The following SLC4A7 variants were observed in gnomAD, a reference collection of about 807,000 sequenced individuals.
The protein encoded by SLC4A7 is sodium bicarbonate cotransporter 3.
Under a neutral mutation model 137.6 loss-of-function variants are expected in SLC4A7, and 51 were observed. That is an observed-to-expected ratio of 0.37 (90% CI 0.30 to 0.47). The LOEUF is 0.47. SLC4A7 is among the 20% of genes least tolerant of loss of function. The pLI, the probability that SLC4A7 is intolerant of heterozygous loss-of-function variation, is 1.00. For synonymous variants in SLC4A7, 542 were observed against 518.6 expected, an observed-to-expected ratio of 1.05 and a Z score of -0.61; for missense variants, 1,247 against 1,525.4, an observed-to-expected ratio of 0.82 and a Z score of 3.04.
chr3:27,451,164 T>TA (rs944087682), intron 2 of SLC4A7, among the ~76,000 whole-genome samples: 3 of 151,738 alleles, frequency 2.0e-5, no homozygotes, highest in Non-Finnish European at 4.4e-5. Flanking sequence ...GTTTAGAGTT[T>TA]AAAAAAAAGT....
chr3:27,374,510 G>A lies in SLC4A7; in HGVS notation c.*2254C>T, dbSNP rs944674705. 6.6e-6 allele frequency: 1 copy of A among 152,404 alleles called. No individual in the cohort carries two copies. Among genetic ancestry groups the A allele is most frequent in the African/African-American group, 2.4e-5 (1 of 41,420 alleles). The allele number at this position is 152,404 out of a possible 1,614,324, so 9.4% of individuals were successfully genotyped here. On this transcript the variant is annotated 3_prime_UTR_variant, in exon 26 of 26. Coordinates refer to ENST00000454389, the MANE Select transcript of SLC4A7 (RefSeq NM_001321103.2). The stretch of plus-strand genomic sequence containing the variant: ...GAAGAAATATAATCACTTAAAACAA[G>A]CAGTTAATTACCTAAACATGAGTTA...
intron 3 of SLC4A7, among the ~76,000 whole-genome samples, 178 bp from the exon 4 acceptor site, chr3:27,437,704 G>GAAAAAAAAAAAAAAAAAAAAAAAAAAAAA (rs1164904868): frequency 8.0e-6 from 1 of 124,988 alleles, no homozygotes; most frequent in Non-Finnish European, 1.7e-5. Flanking sequence ...AACAATCCAG[G>GAAAAAAAAAAAAAAAAAAAAAAAAAAAAA]AAAAAAAAAA....
At position 27,424,095 on chromosome 3, in the gene SLC4A7, T is replaced by C. The variant is rs560666731; in HGVS notation, c.1208A>G (p.Glu403Gly). The change falls in exon 8 of 26, where the codon GAA (glutamate) becomes GGA (glycine). Residue 403 changes from glutamate (E) to glycine (G), a missense_variant. Around this residue, in one of 6 missense-constraint regions of SLC4A7, gnomAD observed 499 missense variants for 664.2 expected, o/e 0.75. Transcript: ENST00000454389. ...PGNLDNSKSGEIKGNGSGGSR... is the reference protein window; with the variant it reads ...PGNLDNSKSGGIKGNGSGGSR... Reference sequence around the variant, plus strand: ...TCCACCACTTCCATTACCTTTAATTTCTCCACTTTTACTATTGTCCAAGTT... The same window carrying C: ...TCCACCACTTCCATTACCTTTAATTCCTCCACTTTTACTATTGTCCAAGTT... 6.2e-7 allele frequency: 1 copy of C among 1,612,504 alleles called. No individual in the cohort carries two copies. The highest frequency in any genetic ancestry group is 1.1e-5 in the South Asian group (1 of 90,918).
intron 24 of SLC4A7, among the ~76,000 whole-genome samples, chr3:27,381,283 A>T (rs1287932044): frequency 6.6e-6 from 1 of 152,186 alleles, no homozygotes; most frequent in Non-Finnish European, 1.5e-5. Context: ...AATTACACTG[A>T]AAAAGTGATA....
chr3:27,404,288 A>G (rs969103110), intron 14 of SLC4A7, among the ~76,000 whole-genome samples: 1 of 152,152 alleles, frequency 6.6e-6, no homozygotes, highest in Non-Finnish European at 1.5e-5. Flanking sequence ...AATCACTTGA[A>G]CCTGGGAGGC....
At chr3:27,420,937 G>T in intron 9 of SLC4A7, 150 bp from the exon 10 acceptor site, 1 of 522,410 alleles carries the variant, frequency 1.9e-6, no homozygotes, top group Non-Finnish European at 3.3e-6. Flanking sequence ...GAAAAAAGAT[G>T]GCAACTCCAC....
intron 1 of SLC4A7, among the ~76,000 whole-genome samples, chr3:27,470,539 A>G (rs2059195558): frequency 3.3e-5 from 5 of 151,824 alleles, no homozygotes; most frequent in Admixed American, 3.3e-4. Context: ...ATTATTTCTA[A>G]AAGAATGAAA....
chr3:27,477,474 C>A (rs1003507599), intron 1 of SLC4A7, among the ~76,000 whole-genome samples: 1 of 152,226 alleles, frequency 6.6e-6, no homozygotes, highest in African/African-American at 2.4e-5. Context: ...TGATACCAAA[C>A]CACTGCTCGT....
intron 3 of SLC4A7, among the ~76,000 whole-genome samples, chr3:27,444,185 G>T (rs2150475742): frequency 6.6e-6 from 1 of 152,192 alleles, no homozygotes; most frequent in African/African-American, 2.4e-5. Flanking sequence ...CTTAATTGTG[G>T]ACTGATCTAT....
chr3:27,434,321 G>T (rs1227178060), intron 5 of SLC4A7, among the ~76,000 whole-genome samples: 1 of 152,106 alleles, frequency 6.6e-6, no homozygotes, highest in Non-Finnish European at 1.5e-5. Flanking sequence ...TATTTATAAA[G>T]AGGCTACTAT....
At chr3:27,417,527 G>C (rs2054510602) in intron 11 of SLC4A7, among the ~76,000 whole-genome samples, 1 of 152,212 alleles carries the variant, frequency 6.6e-6, no homozygotes, top group African/African-American at 2.4e-5. Flanking sequence ...GCTGAAGCAA[G>C]AGGATCACTA....
chr3:27,397,176 C>T (rs964721688), intron 18 of SLC4A7, among the ~76,000 whole-genome samples: 1 of 152,092 alleles, frequency 6.6e-6, no homozygotes, highest in South Asian at 2.1e-4. Flanking sequence ...TACAGGCGCC[C>T]GCCACCACGC....
intron 7 of SLC4A7, among the ~76,000 whole-genome samples, chr3:27,425,145 T>C (rs1354656437): frequency 1.3e-5 from 2 of 150,400 alleles, no homozygotes; most frequent in Non-Finnish European, 3.0e-5. Context: ...CAGAGGTGGG[T>C]GGATCACCTG....
chr3:27,421,241 T>C (rs943091976), intron 9 of SLC4A7, among the ~76,000 whole-genome samples: 1 of 152,098 alleles, frequency 6.6e-6, no homozygotes, highest in Admixed American at 6.5e-5. Context: ...GGCTCACGTC[T>C]GTAATCCCAA....
Position 27,448,817 on chromosome 3 carries a change from C to T in SLC4A7, c.143-20G>A, listed in dbSNP as rs2057862087. 6.5e-7 allele frequency: 1 copy of T among 1,547,890 alleles called. No individual in the cohort carries two copies. On this transcript the variant is annotated intron_variant, in intron 2 of 25. Coordinates refer to ENST00000454389, the MANE Select transcript of SLC4A7 (RefSeq NM_001321103.2). ...TATGACCTATTAAAAGGTTCAGAAA[C>T]ATATTACTAGCTTTCCAAAAGAGAA... is the stretch of plus-strand genomic sequence containing the variant.
Position 27,391,079 on chromosome 3 carries a change from T to C in SLC4A7, c.3186+661A>G, listed in dbSNP as rs574025969. ...CTCAGGTGATACTCCTGCCTCAGGCTTTCAGAGTGTTGGGATAACAGACAT... is the reference window on the plus strand; with the variant it reads ...CTCAGGTGATACTCCTGCCTCAGGCCTTCAGAGTGTTGGGATAACAGACAT... On this transcript the variant is annotated intron_variant, in intron 21 of 25. Coordinates refer to ENST00000454389, the MANE Select transcript of SLC4A7 (RefSeq NM_001321103.2). Among the ~76,000 whole-genome samples, 5 of 152,312 alleles carry C rather than the reference T, an allele frequency of 3.3e-5. No homozygotes were observed. The East Asian group carries it at 9.7e-4, about 29-fold the overall frequency.
intron 1 of SLC4A7, among the ~76,000 whole-genome samples, chr3:27,460,551 A>G (rs2058643431): frequency 6.6e-6 from 1 of 152,216 alleles, no homozygotes; most frequent in African/African-American, 2.4e-5. Flanking sequence ...TGCTCACAAG[A>G]GACTATTTCA....
intron 1 of SLC4A7, among the ~76,000 whole-genome samples, chr3:27,461,606 CAAA>C (rs200548018): frequency 1.2e-5 from 1 of 86,790 alleles, no homozygotes. Context: ...ACCTCGTTTA[CAAA>C]AAAAAAAAAA....
At chr3:27,416,012 T>C (rs1186474643) in intron 11 of SLC4A7, among the ~76,000 whole-genome samples, 4 of 152,232 alleles carry the variant, frequency 2.6e-5, no homozygotes, top group African/African-American at 9.6e-5. Flanking sequence ...TTCAACTTCA[T>C]CTTACATTTG....
Sources: gnomAD v4.1 joint callset for allele counts (sites outside exome capture counted in the v4.1 genomes callset) on GRCh38, gnomAD v4.1.1 for gene constraint, gnomAD v4.1.1 regional missense constraint, MANE v1.5 for transcripts, NCBI Gene and HGNC (gene_info 2026-07-23, HGNC 2026-07-21) for gene names.